Variants in PALMD observed in about 807,000 individuals in gnomAD.
PALMD encodes palmdelphin, also known as paralemmin-like protein.
Under a neutral mutation model 56.2 loss-of-function variants are expected in PALMD, and 42 were observed. The ratio of observed to expected loss-of-function variants is 0.75; its 90% confidence interval spans 0.58 to 0.97. The LOEUF (loss-of-function observed/expected upper bound fraction) is 0.97. PALMD is among the 50% of genes least tolerant of loss of function. The pLI, the probability that PALMD is intolerant of heterozygous loss-of-function variation, is 0.00. For missense variants in PALMD, 660 were observed against 643.8 expected, an observed-to-expected ratio of 1.03 and a Z score of -0.27; for synonymous variants, 242 against 222.9, an observed-to-expected ratio of 1.09 and a Z score of -0.76.
intron 1 of PALMD, among the ~76,000 whole-genome samples, chr1:99,658,011 T>G: frequency 6.6e-6 from 1 of 152,168 alleles, no homozygotes; most frequent in Non-Finnish European, 1.5e-5. Context: ...AAAGTTGTTA[T>G]TACATGTTGG....
At chr1:99,684,234 A>C (rs947352295) in intron 3 of PALMD, 14 of 152,228 alleles carry the variant, frequency 9.2e-5, no homozygotes, top group Non-Finnish European at 1.6e-4. Flanking sequence ...CAAGCTAAAA[A>C]TGGTTTTTAT....
chr1:99,670,904 A>G (rs1001772564), intron 3 of PALMD, among the ~76,000 whole-genome samples: 2 of 152,052 alleles, frequency 1.3e-5, no homozygotes, highest in Non-Finnish European at 2.9e-5. Context: ...AACAAAAACA[A>G]AAAAACAAAA....
chr1:99,677,942 T>C (rs1239766876), intron 3 of PALMD, among the ~76,000 whole-genome samples: 1 of 152,154 alleles, frequency 6.6e-6, no homozygotes, highest in South Asian at 2.1e-4. Flanking sequence ...TTTAGATCAG[T>C]ATTTGCAAGG....
At chr1:99,679,180 T>C (rs1160476222) in intron 3 of PALMD, among the ~76,000 whole-genome samples, 2 of 152,128 alleles carry the variant, frequency 1.3e-5, no homozygotes, top group Non-Finnish European at 2.9e-5. Context: ...ACGCAAGTAA[T>C]TCATCAGTCC....
chr1:99,683,711 A>G (rs1467056754), intron 3 of PALMD: 4 of 152,246 alleles, frequency 2.6e-5, no homozygotes, highest in Non-Finnish European at 5.9e-5. Flanking sequence ...AACTGTTTAC[A>G]TTTCAAGTCA....
chr1:99,667,877 A>T, intron 3 of PALMD, 111 bp downstream of exon 3: 1 of 1,054,762 alleles, frequency 9.5e-7, no homozygotes, highest in Non-Finnish European at 1.4e-6. Context: ...CTTCCATTTG[A>T]ATTTCTTTTT....
chr1:99,656,397 C>T (rs1652726503), intron 1 of PALMD, among the ~76,000 whole-genome samples: 1 of 152,092 alleles, frequency 6.6e-6, no homozygotes, highest in Admixed American at 6.6e-5. Context: ...ATTATTTGCA[C>T]ACCACCAACT....
At chr1:99,669,328 G>T (rs1653035349) in intron 3 of PALMD, 1 of 152,130 alleles carries the variant, frequency 6.6e-6, no homozygotes, top group South Asian at 2.1e-4. Context: ...GATTTGAAGT[G>T]CTTCTAAATA....
intron 6 of PALMD, among the ~76,000 whole-genome samples, chr1:99,688,336 T>G (rs1653561277): frequency 6.6e-6 from 1 of 152,166 alleles, no homozygotes; most frequent in Non-Finnish European, 1.5e-5. Flanking sequence ...TATACTGTAC[T>G]AGGCACTTTG....
chr1:99,678,966 TA>T (rs34330678), intron 3 of PALMD, among the ~76,000 whole-genome samples: 12,022 of 139,992 alleles, frequency 0.086, 580 homozygotes, highest in Admixed American at 0.18. Flanking sequence ...CCTTGACTCT[TA>T]AAAAAAAAAA....
chr1:99,660,580 T>A (rs953485473), intron 1 of PALMD, among the ~76,000 whole-genome samples: 1 of 152,154 alleles, frequency 6.6e-6, no homozygotes, highest in African/African-American at 2.4e-5. Flanking sequence ...TTGTTACTAA[T>A]GGCCAGATTT....
intron 1 of PALMD, among the ~76,000 whole-genome samples, chr1:99,647,810 C>T (rs1378414133): frequency 2.0e-5 from 3 of 152,144 alleles, no homozygotes; most frequent in East Asian, 3.9e-4. Context: ...ACAAGTAGAC[C>T]CTTGTTCTGA....
At chr1:99,659,371 A>C (rs1652796059) in intron 1 of PALMD, among the ~76,000 whole-genome samples, 1 of 152,214 alleles carries the variant, frequency 6.6e-6, no homozygotes, top group Non-Finnish European at 1.5e-5. Context: ...ATCTAGGTAA[A>C]TGTCCATTGA....
At chr1:99,667,818 C>G (rs1425914200) in intron 3 of PALMD, 52 bp downstream of exon 3, 1 of 1,494,788 alleles carries the variant, frequency 6.7e-7, no homozygotes, top group Non-Finnish European at 9.3e-7. Context: ...GACTTTATCC[C>G]ATGTTGTGCA....
At chr1:99,664,392 A>C (rs1268733765) in intron 2 of PALMD, among the ~76,000 whole-genome samples, 1 of 152,212 alleles carries the variant, frequency 6.6e-6, no homozygotes, top group Non-Finnish European at 1.5e-5. Flanking sequence ...TTTAGTCAAT[A>C]AATATTTATT....
At chr1:99,682,777 A>AAGC (rs1653371186) in intron 3 of PALMD, among the ~76,000 whole-genome samples, 1 of 151,828 alleles carries the variant, frequency 6.6e-6, no homozygotes, top group African/African-American at 2.4e-5. Flanking sequence ...AGGCCGAGGC[A>AAGC]AGCAGATCAC....
Position 99,662,335 on chromosome 1 carries a change from A to G in PALMD, c.62A>G (p.Gln21Arg). 4.5e-6 allele frequency: 7 copies of G among 1,555,228 alleles called. No individual in the cohort carries two copies. The highest frequency in any genetic ancestry group is 6.2e-6 in the Non-Finnish European group (7 of 1,133,740). ...LQAITDKRKIQEEISQKRLKI... is the reference protein window; with the variant it reads ...LQAITDKRKIREEISQKRLKI... ...TTATTTCAGGATAAAAGAAAAATAC[A>G]GGAAGAAATCTCACAGAAGCGTCTG... The change falls in exon 2 of 8, where the codon CAG becomes CGG. Residue 21 changes from glutamine (Q) to arginine (R), a missense_variant. Transcript: ENST00000263174.
chr1:99,677,689 C>G (rs1215145356), intron 3 of PALMD, among the ~76,000 whole-genome samples: 1 of 152,050 alleles, frequency 6.6e-6, no homozygotes, highest in Non-Finnish European at 1.5e-5. Context: ...ATCTGAATGC[C>G]AAGGACACTG....
At chr1:99,653,915 C>A (rs543929448) in intron 1 of PALMD, among the ~76,000 whole-genome samples, 6 of 152,168 alleles carry the variant, frequency 3.9e-5, no homozygotes, top group African/African-American at 1.4e-4. Flanking sequence ...AGACAATCTC[C>A]AAAATGTCAG....
Sources: gnomAD v4.1 joint callset for allele counts (sites outside exome capture counted in the v4.1 genomes callset) on GRCh38, gnomAD v4.1.1 for gene constraint, MANE v1.5 for transcripts, NCBI Gene and HGNC (gene_info 2026-07-23, HGNC 2026-07-21) for gene names.